TMEM117: variants seen among roughly 807,000 people sequenced by gnomAD.
TMEM117 encodes transmembrane protein 117.
TMEM117 carries 27 observed loss-of-function variants against 52.4 expected under a neutral mutation model. The ratio of observed to expected loss-of-function variants is 0.51; its 90% CI spans 0.38 to 0.71. The LOEUF is 0.71. Among genes scored for constraint, TMEM117 ranks in the 30% least tolerant of loss-of-function variants. The probability of loss-of-function intolerance (pLI) is 0.00; values close to 1 mark genes in which losing one functional copy is unlikely to be tolerated. For missense variants in TMEM117, 556 were observed against 630.5 expected (o/e 0.88, Z 1.26); for synonymous variants, 215 against 206.3 (o/e 1.04, Z -0.36).
chr12:44,005,640 C>T (rs1044155966), intron 3 of TMEM117, among the ~76,000 whole-genome samples: 1 of 152,142 alleles, frequency 6.6e-6, no homozygotes, highest in African/African-American at 2.4e-5. Flanking sequence ...TTTGCAAAAT[C>T]TCCAGGCCTT....
chr12:44,189,809 A>G (rs1482258039), intron 4 of TMEM117, among the ~76,000 whole-genome samples: 1 of 152,248 alleles, frequency 6.6e-6, no homozygotes, highest in African/African-American at 2.4e-5. Context: ...TATAGAAAAA[A>G]ATAGTTTTAT....
At chr12:44,221,920 A>G (rs141231539) in intron 5 of TMEM117, among the ~76,000 whole-genome samples, 55 of 152,184 alleles carry the variant, frequency 3.6e-4, no homozygotes, top group African/African-American at 1.2e-3. Flanking sequence ...GCTGGTCTCG[A>G]ACTCCTGACC....
chr12:44,342,777 A>G (rs1022594555), intron 6 of TMEM117, among the ~76,000 whole-genome samples: 3 of 152,154 alleles, frequency 2.0e-5, no homozygotes, highest in African/African-American at 7.2e-5. Context: ...TAAAAAGACC[A>G]TCTGGCAAAT....
chr12:44,334,994 G>A (rs1408109572), intron 6 of TMEM117, among the ~76,000 whole-genome samples: 1 of 152,038 alleles, frequency 6.6e-6, no homozygotes, highest in Admixed American at 6.6e-5. Context: ...GGTATACTCT[G>A]TATGTTCATA....
At chr12:43,956,256 C>T (rs566097060) in intron 3 of TMEM117, among the ~76,000 whole-genome samples, 103 of 152,072 alleles carry the variant, frequency 6.8e-4, no homozygotes, top group African/African-American at 2.1e-3. Context: ...ATGAAATTGC[C>T]GAAAGCAATT....
At position 44,124,735 on chromosome 12, in the gene TMEM117, G is replaced by C. The variant is rs192677234; in HGVS notation, c.411-18790G>C. ...GATTTGCATATGTTGAACCAGCCTTGCATCCCAGGGATGAAGCCTGCTTGA... is the reference window on the plus strand; with the variant it reads ...GATTTGCATATGTTGAACCAGCCTTCCATCCCAGGGATGAAGCCTGCTTGA... On this transcript the variant is annotated intron_variant, in intron 3 of 7. Coordinates refer to ENST00000266534, the MANE Select transcript of TMEM117 (RefSeq NM_032256.3). Among the ~76,000 whole-genome samples, 8 of 152,336 alleles carry C rather than the reference G, an allele frequency of 5.3e-5. No individual in the cohort carries two copies. The East Asian group carries it at 1.5e-3, about 29-fold the overall frequency.
intron 5 of TMEM117, among the ~76,000 whole-genome samples, chr12:44,234,782 G>A (rs1157829319): frequency 6.6e-6 from 1 of 150,988 alleles, no homozygotes; most frequent in African/African-American, 2.4e-5. Context: ...TTTATTTCTG[G>A]CATAATTAAA....
chr12:44,232,035 G>T (rs1949940045), intron 5 of TMEM117, among the ~76,000 whole-genome samples: 1 of 151,560 alleles, frequency 6.6e-6, no homozygotes, highest in Non-Finnish European at 1.5e-5. Context: ...TACCTCACAT[G>T]GTTGTTGCTT....
chr12:44,320,018 C>T (rs1951110621), intron 6 of TMEM117, among the ~76,000 whole-genome samples: 2 of 152,160 alleles, frequency 1.3e-5, no homozygotes, highest in African/African-American at 4.8e-5. Context: ...TCAAATCTTC[C>T]TCAAGCCCTA....
intron 5 of TMEM117, among the ~76,000 whole-genome samples, chr12:44,256,011 AT>A (rs953883027): frequency 1.3e-5 from 2 of 151,974 alleles, no homozygotes; most frequent in African/African-American, 2.4e-5. Flanking sequence ...CCTCAAGCAG[AT>A]TTTATATTAA....
At chr12:44,054,713 A>C (rs574644120) in intron 3 of TMEM117, among the ~76,000 whole-genome samples, 1 of 141,812 alleles carries the variant, frequency 7.1e-6, no homozygotes, top group East Asian at 2.0e-4. Flanking sequence ...TTTTTTTTCA[A>C]TTTTTTTTTT....
chr12:43,944,690 A>T (rs1945100573), intron 3 of TMEM117, among the ~76,000 whole-genome samples: 1 of 152,162 alleles, frequency 6.6e-6, no homozygotes, highest in Non-Finnish European at 1.5e-5. Flanking sequence ...GGCTAAGATG[A>T]AGGTTTCCAG....
chr12:43,924,008 C>G (rs543872240), intron 2 of TMEM117, among the ~76,000 whole-genome samples: 2 of 152,312 alleles, frequency 1.3e-5, no homozygotes, highest in South Asian at 4.1e-4. Context: ...TAATAAAACA[C>G]AGAGCCTAGA....
chr12:44,214,316 T>C (rs1949688424), intron 5 of TMEM117, among the ~76,000 whole-genome samples: 1 of 151,774 alleles, frequency 6.6e-6, no homozygotes, highest in African/African-American at 2.4e-5. Context: ...CAGCTAGTTT[T>C]TTTTGTTGTT....
chr12:43,896,546 G>T (rs60467323), intron 2 of TMEM117, among the ~76,000 whole-genome samples: 10,013 of 152,246 alleles, frequency 0.066, 385 homozygotes, highest in Middle Eastern at 0.14. Context: ...ATAGCACCTT[G>T]TACAGGGTAG....
At chr12:43,950,056 G>T (rs1170730818) in intron 3 of TMEM117, among the ~76,000 whole-genome samples, 1 of 152,000 alleles carries the variant, frequency 6.6e-6, no homozygotes, top group Non-Finnish European at 1.5e-5. Flanking sequence ...TTTATCAAGG[G>T]CTTTTCTTTT....
At chr12:44,347,070 CCT>C (rs1951498171) in intron 6 of TMEM117, among the ~76,000 whole-genome samples, 1 of 150,648 alleles carries the variant, frequency 6.6e-6, no homozygotes, top group Admixed American at 6.6e-5. Context: ...TTCCAATCTG[CCT>C]TTACACACAC....
At chr12:44,252,502 T>C (rs753698090) in intron 5 of TMEM117, among the ~76,000 whole-genome samples, 1 of 152,094 alleles carries the variant, frequency 6.6e-6, no homozygotes, top group Non-Finnish European at 1.5e-5. Context: ...AGACTCTGTC[T>C]CAAAAACAAA....
intron 3 of TMEM117, among the ~76,000 whole-genome samples, chr12:44,057,735 C>T (rs1054496661): frequency 2.0e-5 from 3 of 152,034 alleles, no homozygotes; most frequent in Non-Finnish European, 4.4e-5. Flanking sequence ...GATTCTGGCT[C>T]TGTTCTGCCA....
Sources: gnomAD v4.1 joint callset for allele counts (sites outside exome capture counted in the v4.1 genomes callset) on GRCh38, gnomAD v4.1.1 for gene constraint, MANE v1.5 for transcripts, NCBI Gene and HGNC (gene_info 2026-07-23, HGNC 2026-07-21) for gene names.